LRPPRC: variants seen among roughly 807,000 people sequenced by gnomAD.
The protein encoded by LRPPRC is leucine-rich PPR motif-containing protein, mitochondrial.
Under a neutral mutation model 180.3 loss-of-function variants are expected in LRPPRC, and 120 were observed. The ratio of observed to expected loss-of-function variants is 0.67; its 90% confidence interval spans 0.57 to 0.77. The LOEUF (loss-of-function observed/expected upper bound fraction) is 0.77. Among genes scored for constraint, LRPPRC ranks in the 30% least tolerant of loss-of-function variants. The pLI is 0.00. For missense variants in LRPPRC, 2,012 were observed against 1,657.2 expected (o/e 1.21, Z -3.72); for synonymous variants, 723 against 600.0 (o/e 1.21, Z -3.00).
In LRPPRC at chr2:43,990,291, C is replaced by A. The variant is rs1019806830; in HGVS notation, c.149+5508G>T. The stretch of plus-strand genomic sequence containing the variant: ...TACCCTAATCCCCAAATCTACTTTT[C>A]TTAATTCTGCTAACACTCTCACCAA... On this transcript the variant is annotated intron_variant, in intron 1 of 37. Transcript: ENST00000260665. Among the ~76,000 whole-genome samples the A allele has an allele frequency of 3.3e-5, 5 of 152,144 alleles. No homozygotes were observed. The East Asian group carries it at 9.6e-4, about 29-fold the overall frequency.
chr2:43,990,866 G>C (rs1206116626), intron 1 of LRPPRC, among the ~76,000 whole-genome samples: 4 of 138,868 alleles, frequency 2.9e-5, no homozygotes, highest in Admixed American at 7.5e-5. Flanking sequence ...TTTTAATTGA[G>C]ATGGAGTCTC....
chr2:43,984,185 T>A (rs1170154958), intron 1 of LRPPRC, among the ~76,000 whole-genome samples: 1 of 152,158 alleles, frequency 6.6e-6, no homozygotes, highest in Non-Finnish European at 1.5e-5. Context: ...GTGACATTAT[T>A]TTTAAACTGT....
rs774874630 is a variant in LRPPRC, at chr2:43,886,915, C to G, written c.*1685G>C. 1.3e-5 allele frequency: 2 copies of G among 152,006 alleles called. No homozygotes were observed. Among genetic ancestry groups the G allele is most frequent in the Non-Finnish European group, 2.9e-5 (2 of 68,120 alleles). The allele number at this position is 152,006 out of a possible 1,614,324, so 9.4% of individuals were successfully genotyped here. A position where few individuals can be genotyped will look rare whatever the true frequency, so the allele number is the denominator to read the frequency against. ...CAGCACTTTGGGAGGCTGAAGCGAG[C>G]GCAGGGGGAGGATCACTTGGGGCCA... On this transcript the variant is annotated 3_prime_UTR_variant, in exon 38 of 38. Coordinates refer to ENST00000260665, the MANE Select transcript of LRPPRC (RefSeq NM_133259.4).
At chr2:43,995,726 T>C (rs984438110) in intron 1 of LRPPRC, 73 bp downstream of exon 1, 7 of 1,293,308 alleles carry the variant, frequency 5.4e-6, no homozygotes, top group Non-Finnish European at 6.9e-6. Context: ...CAGGACCCGG[T>C]CCCTGCCGGC....
chr2:43,963,513 T>C (rs1447740707), intron 12 of LRPPRC, 75 bp downstream of exon 12: 10 of 941,132 alleles, frequency 1.1e-5, no homozygotes, highest in Admixed American at 1.7e-5. Flanking sequence ...ATGACTTTTT[T>C]GTGTGTCAAC....
intron 11 of LRPPRC, 162 bp from the exon 12 acceptor site, chr2:43,963,868 T>C (rs1673452773): frequency 6.2e-6 from 4 of 642,810 alleles, no homozygotes; most frequent in South Asian, 1.8e-5. Flanking sequence ...GATACAATGA[T>C]AAAAAAATTA....
intron 34 of LRPPRC, among the ~76,000 whole-genome samples, chr2:43,898,498 C>G (rs2104987582): frequency 6.6e-6 from 1 of 152,298 alleles, no homozygotes; most frequent in African/African-American, 2.4e-5. Flanking sequence ...TGGGAAGGGG[C>G]TCCCCGGCGG....
chr2:43,967,434 A>G (rs1387594590), intron 11 of LRPPRC, among the ~76,000 whole-genome samples: 1 of 152,204 alleles, frequency 6.6e-6, no homozygotes. Flanking sequence ...CACAATTATT[A>G]ATCCTTCATA....
At chr2:43,892,213 T>C (rs1670514767) in intron 36 of LRPPRC, among the ~76,000 whole-genome samples, 1 of 152,176 alleles carries the variant, frequency 6.6e-6, no homozygotes, top group African/African-American at 2.4e-5. Context: ...AGATACTCCA[T>C]GTAGATAAAA....
chr2:43,891,117 G>A (rs1670475832), intron 36 of LRPPRC, among the ~76,000 whole-genome samples: 1 of 152,190 alleles, frequency 6.6e-6, no homozygotes, highest in Non-Finnish European at 1.5e-5. Flanking sequence ...TTTCCATGAA[G>A]TCAACTTCTT....
intron 1 of LRPPRC, among the ~76,000 whole-genome samples, chr2:43,991,387 A>G (rs954006195): frequency 1.1e-4 from 16 of 152,174 alleles, no homozygotes; most frequent in African/African-American, 3.1e-4. Flanking sequence ...AGAGTTTTCT[A>G]AAAGTTTTCT....
chr2:43,968,772 T>C (rs1396378591), intron 11 of LRPPRC, among the ~76,000 whole-genome samples: 3 of 152,162 alleles, frequency 2.0e-5, no homozygotes, highest in Non-Finnish European at 4.4e-5. Flanking sequence ...GTTAATAAGA[T>C]GAGTAAGTTC....
At chr2:43,956,488 T>TGTGTGTGC (rs1673120891) in intron 14 of LRPPRC, among the ~76,000 whole-genome samples, 2 of 151,382 alleles carry the variant, frequency 1.3e-5, no homozygotes, top group Admixed American at 1.3e-4. Flanking sequence ...CGTGTGTGTG[T>TGTGTGTGC]GTGTGTGTGT....
chr2:43,934,307 G>C lies in LRPPRC; in HGVS notation c.2630-11C>G. 1 of 1,361,356 alleles carries C rather than the reference G, an allele frequency of 7.3e-7. No individual in the cohort carries two copies. Among genetic ancestry groups the C allele is most frequent in the Non-Finnish European group, 1.0e-6 (1 of 953,962 alleles). The allele number at this position is 1,361,356 out of a possible 1,614,324, so 84.3% of individuals were successfully genotyped here. On this transcript the variant is annotated splice_polypyrimidine_tract_variant and intron_variant, in intron 24 of 37. Coordinates refer to ENST00000260665, the MANE Select transcript of LRPPRC (RefSeq NM_133259.4). ...TCACAAAGTCCATTGCTAGGTAGGA[G>C]AGAAAAAAATATATATATTAGGAGA... is the stretch of plus-strand genomic sequence containing the variant.
chr2:43,889,654 A>G, intron 37 of LRPPRC, 80 bp downstream of exon 37: 1 of 1,167,724 alleles, frequency 8.6e-7, no homozygotes, highest in Non-Finnish European at 1.3e-6. Context: ...TTAAGTCTTC[A>G]ACTTATTTTC....
intron 2 of LRPPRC, among the ~76,000 whole-genome samples, chr2:43,980,625 G>A (rs1404878736): frequency 6.6e-6 from 1 of 150,914 alleles, no homozygotes; most frequent in Non-Finnish European, 1.5e-5. Flanking sequence ...GTAAAGCAGT[G>A]TAATTAACAT....
At chr2:43,980,188 C>G (rs1674239699) in intron 2 of LRPPRC, among the ~76,000 whole-genome samples, 1 of 152,126 alleles carries the variant, frequency 6.6e-6, no homozygotes, top group Non-Finnish European at 1.5e-5. Context: ...ATCTGCAAAA[C>G]TCTATCAAAT....
intron 29 of LRPPRC, among the ~76,000 whole-genome samples, chr2:43,914,353 T>G (rs1219163392): frequency 3.3e-5 from 5 of 152,174 alleles, no homozygotes; most frequent in Non-Finnish European, 7.3e-5. Context: ...AAAATGTTAA[T>G]GTAAGCATTC....
At position 43,973,809 on chromosome 2, in the gene LRPPRC, A is replaced by G; in HGVS notation, c.1247T>C (p.Leu416Pro). 6.2e-7 allele frequency: 1 copy of G among 1,613,538 alleles called. No individual in the cohort carries two copies. The highest frequency in any genetic ancestry group is 8.5e-7 in the Non-Finnish European group (1 of 1,179,422). Reference protein sequence around the residue: ...PLQFTLHCALLANKTDLAKAL... With the variant: ...PLQFTLHCALPANKTDLAKAL... The stretch of plus-strand genomic sequence containing the variant: ...GAATGTAGTACCAGTTTTATTGGCG[A>G]GTAAAGCACAATGGAGGGTGAACTG... Residue 416 changes from leucine to proline, a missense_variant, in exon 10 of 38, where the codon CTC (leucine) becomes CCC (proline). Physicochemically the swap from Leu to Pro is moderately conservative, Grantham distance 98. Transcript: ENST00000260665.
Sources: gnomAD v4.1 joint callset for allele counts (sites outside exome capture counted in the v4.1 genomes callset) on GRCh38, gnomAD v4.1.1 for gene constraint, MANE v1.5 for transcripts, NCBI Gene and HGNC (gene_info 2026-07-23, HGNC 2026-07-21) for gene names.